NKD1: variants seen among roughly 807,000 people sequenced by gnomAD.
The protein encoded by NKD1 is NKD inhibitor of Wnt signaling pathway 1, also known as protein naked cuticle homolog 1.
Under a neutral mutation model 56.0 loss-of-function variants are expected in NKD1, and 21 were observed. The ratio of observed to expected loss-of-function variants is 0.38; its 90% CI spans 0.27 to 0.54. NKD1 has a LOEUF of 0.54. Ranked by LOEUF, NKD1 falls within the 20% of genes least tolerant of loss-of-function variation. The probability of loss-of-function intolerance (pLI) is 0.82; values close to 1 mark genes in which losing one functional copy is unlikely to be tolerated. For synonymous variants in NKD1, 263 were observed against 265.7 expected (o/e 0.99, Z 0.10); for missense variants, 578 against 642.7 (o/e 0.90, Z 1.09).
At position 50,644,567 on chromosome 16, in the gene NKD1, C is replaced by T. The variant is rs1962640954; in HGVS notation, c.*10786C>T. On this transcript the variant is annotated 3_prime_UTR_variant, in exon 10 of 10. Transcript: ENST00000268459. ...TGCAGACAGACTGGAAACCCAGAAC[C>T]TCCTGGGGATATTCAGATGGTGTCA... is the stretch of plus-strand genomic sequence containing the variant. The T allele has an allele frequency of 6.6e-6, 1 of 152,204 alleles. No homozygotes were observed. Among genetic ancestry groups the T allele is most frequent in the African/African-American group, 2.4e-5 (1 of 41,466 alleles). 9.4% of individuals were successfully genotyped at this position (152,204 alleles called of 1,614,324 possible).
At chr16:50,557,107 C>T (rs1353565865) in intron 3 of NKD1, 2 of 152,132 alleles carry the variant, frequency 1.3e-5, no homozygotes, top group Non-Finnish European at 2.9e-5. Flanking sequence ...CCAGGGACAC[C>T]TGTGCTTGGT....
chr16:50,579,036 A>G (rs545593412), intron 3 of NKD1, among the ~76,000 whole-genome samples: 2 of 152,216 alleles, frequency 1.3e-5, no homozygotes, highest in East Asian at 1.9e-4. Flanking sequence ...GCTGCCCACT[A>G]TACACGCACT....
chr16:50,602,689 T>C (rs1961622842), intron 3 of NKD1, among the ~76,000 whole-genome samples: 1 of 152,202 alleles, frequency 6.6e-6, no homozygotes, highest in African/African-American at 2.4e-5. Context: ...TCTCATGGCA[T>C]ACATGGGTTT....
At position 50,630,905 on chromosome 16, in the gene NKD1, G is replaced by C. The variant is rs115496131; in HGVS notation, c.690G>C (p.Pro230=). ...LRSWEKKQRA[P]LRFQGDSRLE... is the part of the protein sequence containing the mutation. ...GCTGGGAGAAGAAGCAGCGAGCCCC[G>C]CTCAGGTATGTGGGCATGGTGCACA... Residue 230 remains proline, a synonymous_variant, in exon 8 of 10, where the codon CCG becomes CCC. Transcript: ENST00000268459. 1 of 1,586,444 alleles carries C rather than the reference G, an allele frequency of 6.3e-7. No homozygotes were observed. Among genetic ancestry groups the C allele is most frequent in the South Asian group, 1.2e-5 (1 of 86,476 alleles).
Position 50,574,803 on chromosome 16 carries a change from C to T in NKD1, c.192+25248C>T, listed in dbSNP as rs1596714662. The T allele has an allele frequency of 5.1e-6, 5 of 985,256 alleles. No individual in the cohort carries two copies. The East Asian group carries it at 4.5e-4, about 89-fold the overall frequency. The allele number at this position is 985,256 out of a possible 1,614,324, so 61.0% of individuals were successfully genotyped here. On this transcript the variant is annotated intron_variant, in intron 3 of 9. Coordinates refer to ENST00000268459, the MANE Select transcript of NKD1 (RefSeq NM_033119.5). ...CTGTAAAAATAAAAAGTTAAAAGAC[C>T]CTAAAGTTTGAACAGTAAAACCAAA...
intron 3 of NKD1, among the ~76,000 whole-genome samples, chr16:50,564,136 G>C (rs1393582562): frequency 6.6e-6 from 1 of 152,260 alleles, no homozygotes; most frequent in Non-Finnish European, 1.5e-5. Context: ...CCCCTTCCTT[G>C]TAACATAGCT....
At chr16:50,569,994 C>T (rs1960847175) in intron 3 of NKD1, among the ~76,000 whole-genome samples, 2 of 151,988 alleles carry the variant, frequency 1.3e-5, no homozygotes, top group African/African-American at 2.4e-5. Flanking sequence ...AGCCACTGAA[C>T]GTTTGAAATA....
At chr16:50,612,627 G>A (rs1961871615) in intron 4 of NKD1, among the ~76,000 whole-genome samples, 1 of 152,202 alleles carries the variant, frequency 6.6e-6, no homozygotes, top group Admixed American at 6.5e-5. Flanking sequence ...TTTCTGAGAA[G>A]GTGATGTTTC....
intron 3 of NKD1, among the ~76,000 whole-genome samples, chr16:50,561,841 A>G (rs1007364994): frequency 6.6e-6 from 1 of 152,210 alleles, no homozygotes; most frequent in Non-Finnish European, 1.5e-5. Context: ...GGGGCCATCC[A>G]CACAGTCTAC....
Position 50,574,557 on chromosome 16 carries a change from G to A in NKD1, c.192+25002G>A, listed in dbSNP as rs568424105. The A allele has an allele frequency of 7.7e-4, 758 of 985,370 alleles. 6 individuals carry two copies. The African/African-American group carries it at 0.012, about 16-fold the overall frequency. The allele number at this position is 985,370 out of a possible 1,614,324, so 61.0% of individuals were successfully genotyped here. ...CCGAATGGCAGTGCAGCGTGGTCTC[G>A]CCTTGGATTGATCTTGTTGGAGTTC... On this transcript the variant is annotated intron_variant, in intron 3 of 9. Coordinates refer to ENST00000268459, the MANE Select transcript of NKD1 (RefSeq NM_033119.5).
At chr16:50,574,425 C>T (rs561046739) in intron 3 of NKD1, 5 of 985,428 alleles carry the variant, frequency 5.1e-6, no homozygotes, top group Admixed American at 6.1e-5. Context: ...CCGTCTTCCC[C>T]CAGGGACTAA....
At chr16:50,594,848 T>TG (rs1172722882) in intron 3 of NKD1, among the ~76,000 whole-genome samples, 1 of 152,080 alleles carries the variant, frequency 6.6e-6, no homozygotes, top group Non-Finnish European at 1.5e-5. Flanking sequence ...CACGGTGCCC[T>TG]GGGGAGGTGG....
chr16:50,631,594 G>C (rs890046139), intron 8 of NKD1, among the ~76,000 whole-genome samples: 8 of 152,194 alleles, frequency 5.3e-5, no homozygotes, highest in African/African-American at 1.9e-4. Flanking sequence ...GAATCAGAGG[G>C]ACCCAGGCTG....
chr16:50,557,454 T>C (rs1280304133), intron 3 of NKD1: 1 of 152,200 alleles, frequency 6.6e-6, no homozygotes, highest in Non-Finnish European at 1.5e-5. Flanking sequence ...TCTCATTGCA[T>C]TGGTTAGAAT....
rs1288050697 is a variant in NKD1, at chr16:50,633,656, G to A, written c.1288G>A (p.Glu430Lys). ...CTCAGGTGGCCCTGTCCTGGGGCGG[G>A]AGCACCTGCGGGAGCTGCCCGCCTT... ...LASGGPVLGREHLRELPALVV... is the reference protein window; with the variant it reads ...LASGGPVLGRKHLRELPALVV... The change falls in exon 10 of 10, where the codon GAG (glutamate) becomes AAG (lysine). Residue 430 changes from glutamate to lysine, a missense_variant. By Grantham distance (56) the Glu-to-Lys change is moderately conservative (BLOSUM62 1). Coordinates refer to ENST00000268459, the MANE Select transcript of NKD1 (RefSeq NM_033119.5). This position sits in a 1 kb window ranked among gnomAD's most constrained non-coding sequence, Gnocchi z 4.9. The A allele has an allele frequency of 6.2e-7, 1 of 1,605,196 alleles. No homozygotes were observed. Among genetic ancestry groups the A allele is most frequent in the African/African-American group, 1.3e-5 (1 of 74,920 alleles).
intron 4 of NKD1, among the ~76,000 whole-genome samples, chr16:50,609,432 TCTG>T (rs1250563953): frequency 2.0e-5 from 3 of 152,194 alleles, no homozygotes; most frequent in Non-Finnish European, 1.5e-5. Context: ...GAAGGACCTC[TCTG>T]CTGAGACCAG....
At chr16:50,615,571 A>C (rs1961941691) in intron 4 of NKD1, among the ~76,000 whole-genome samples, 1 of 152,152 alleles carries the variant, frequency 6.6e-6, no homozygotes, top group Admixed American at 6.5e-5. Flanking sequence ...GCGTGAGAGC[A>C]TGGCAGGCTC....
intron 4 of NKD1, among the ~76,000 whole-genome samples, chr16:50,608,782 A>G (rs1596739371): frequency 6.6e-6 from 1 of 152,084 alleles, no homozygotes; most frequent in East Asian, 1.9e-4. Context: ...TTGGTGCATG[A>G]GTGTGCACAC....
rs376034999 is a variant in NKD1 at position 50,563,347 on chromosome 16, C to G, written c.192+13792C>G. Reference sequence around the variant, plus strand: ...CCTGTGTGTCAGGCTAAACTCCATCCTCAATGGGCACAGCCCTAGATGCAT... The same window carrying G: ...CCTGTGTGTCAGGCTAAACTCCATCGTCAATGGGCACAGCCCTAGATGCAT... On this transcript the variant is annotated intron_variant, in intron 3 of 9. Transcript: ENST00000268459. 1.7e-3 allele frequency among the ~76,000 whole-genome samples: 257 copies of G among 149,944 alleles called. 11 individuals are homozygous for G. In the South Asian group the frequency reaches 0.052, roughly 30 times the overall value.
Sources: gnomAD v4.1 joint callset for allele counts (sites outside exome capture counted in the v4.1 genomes callset) on GRCh38, gnomAD v4.1.1 for gene constraint, Gnocchi (gnomAD v3.1) non-coding constraint, MANE v1.5 for transcripts, NCBI Gene and HGNC (gene_info 2026-07-23, HGNC 2026-07-21) for gene names.